Variants in SH3RF2 observed in about 807,000 individuals in gnomAD.
SH3RF2 encodes the protein SH3 domain containing ring finger 2.
SH3RF2 carries 43 observed loss-of-function variants against 59.0 expected under a neutral mutation model. The ratio of observed to expected loss-of-function variants is 0.73; its 90% CI spans 0.57 to 0.94. The LOEUF (loss-of-function observed/expected upper bound fraction) is 0.94, where lower values mean the gene tolerates loss of function less well. SH3RF2 is among the 40% of genes least tolerant of loss of function. The pLI is 0.00. For missense variants in SH3RF2, 930 were observed against 940.1 expected (o/e 0.99, Z 0.14); for synonymous variants, 391 against 391.5 (o/e 1.00, Z 0.01).
At chr5:145,961,695 A>G (rs1224362399) in intron 2 of SH3RF2, among the ~76,000 whole-genome samples, 1 of 152,236 alleles carries the variant, frequency 6.6e-6, no homozygotes, top group Non-Finnish European at 1.5e-5. Flanking sequence ...ATCAGGGCAG[A>G]TGTGAGCCTG....
At chr5:146,021,866 C>A (rs1761333198) in intron 5 of SH3RF2, among the ~76,000 whole-genome samples, 1 of 151,988 alleles carries the variant, frequency 6.6e-6, no homozygotes, top group Admixed American at 6.6e-5. Flanking sequence ...AGCTTGTTTC[C>A]CACCAAAAAA....
At chr5:145,953,149 A>ACAC (rs1758258017) in intron 2 of SH3RF2, among the ~76,000 whole-genome samples, 1 of 143,750 alleles carries the variant, frequency 7.0e-6, no homozygotes, top group Non-Finnish European at 1.6e-5. Flanking sequence ...CACACACACA[A>ACAC]ATAATAAAAA....
At chr5:145,951,120 T>C (rs1440935478) in intron 2 of SH3RF2, among the ~76,000 whole-genome samples, 1 of 152,212 alleles carries the variant, frequency 6.6e-6, no homozygotes, top group Non-Finnish European at 1.5e-5. Flanking sequence ...TTCAGAAAGA[T>C]GGCTAACATT....
At chr5:146,010,360 G>A (rs1361349577) in intron 4 of SH3RF2, among the ~76,000 whole-genome samples, 1 of 152,184 alleles carries the variant, frequency 6.6e-6, no homozygotes, top group East Asian at 1.9e-4. Context: ...TGTCTTCATA[G>A]CAGCATGATT....
chr5:145,994,463 A>G (rs914404135), intron 2 of SH3RF2, among the ~76,000 whole-genome samples: 4 of 152,188 alleles, frequency 2.6e-5, no homozygotes, highest in Non-Finnish European at 5.9e-5. Context: ...TGGGAAGAAA[A>G]GGAGGTTTAA....
At chr5:146,028,084 T>G (rs1761597590) in intron 5 of SH3RF2, among the ~76,000 whole-genome samples, 1 of 151,186 alleles carries the variant, frequency 6.6e-6, no homozygotes, top group Non-Finnish European at 1.5e-5. Context: ...AGCCTGTACC[T>G]CAGACATTTT....
intron 2 of SH3RF2, among the ~76,000 whole-genome samples, chr5:145,948,951 T>A (rs1474531755): frequency 1.3e-5 from 2 of 152,252 alleles, no homozygotes; most frequent in East Asian, 3.8e-4. Flanking sequence ...CAGCATTCAT[T>A]AAATACTTAA....
chr5:146,055,355 C>G (rs1762630073), intron 7 of SH3RF2, among the ~76,000 whole-genome samples: 1 of 152,128 alleles, frequency 6.6e-6, no homozygotes. Flanking sequence ...CTAAGAGTAC[C>G]TAGCTTAGAG....
intron 2 of SH3RF2, among the ~76,000 whole-genome samples, chr5:145,951,295 G>T (rs1330632160): frequency 6.6e-6 from 1 of 152,188 alleles, no homozygotes. Flanking sequence ...TGTCACTTAT[G>T]CTGGCTCATC....
intron 2 of SH3RF2, among the ~76,000 whole-genome samples, chr5:145,983,429 C>T (rs1350428704): frequency 6.6e-6 from 1 of 152,110 alleles, no homozygotes; most frequent in Non-Finnish European, 1.5e-5. Context: ...AAAAGAGTGA[C>T]CATATAACTC....
Position 146,055,943 on chromosome 5 carries a change from C to G in SH3RF2, c.1323-38C>G, listed in dbSNP as rs1348119491. ...ACTCTTGACTGAACATTTTCTTTCT[C>G]TATTTCTTCTCTTAAAAAAAAAATT... On this transcript the variant is annotated intron_variant, in intron 7 of 9. Coordinates refer to ENST00000359120, the MANE Select transcript of SH3RF2 (RefSeq NM_152550.4). 3.8e-6 allele frequency: 6 copies of G among 1,596,086 alleles called. No individual in the cohort carries two copies. The Admixed American group carries it at 7.1e-5, about 19-fold the overall frequency.
intron 2 of SH3RF2, among the ~76,000 whole-genome samples, chr5:145,944,240 C>T (rs973187952): frequency 6.6e-6 from 1 of 151,790 alleles, no homozygotes; most frequent in Non-Finnish European, 1.5e-5. Flanking sequence ...AGTATGTATT[C>T]TGCAAATATT....
intron 5 of SH3RF2, among the ~76,000 whole-genome samples, chr5:146,047,461 G>A (rs181445276): frequency 1.3e-5 from 2 of 152,222 alleles, no homozygotes; most frequent in African/African-American, 4.8e-5. Flanking sequence ...GGGGTGGGGA[G>A]AGGGACAGGA....
chr5:145,983,247 CTT>C lies in SH3RF2; in HGVS notation c.379-16795_379-16794del, dbSNP rs35986916. On this transcript the variant is annotated intron_variant, in intron 2 of 9. Transcript: ENST00000359120. The stretch of plus-strand genomic sequence containing the variant: ...ATTGGCAAATGCTACAAACCAGAGC[CTT>C]TTTTTTTTTTTTTTTGAGAGCTGAC... Among the ~76,000 whole-genome samples, 1,275 of 133,892 alleles carry C rather than the reference CTT, an allele frequency of 9.5e-3. 19 individuals carry two copies. Among genetic ancestry groups the C allele is most frequent in the African/African-American group, 0.029 (1,053 of 36,182 alleles). 87.8% of individuals were successfully genotyped at this position (133,892 alleles called of 152,430 possible).
At position 145,939,579 on chromosome 5, in the gene SH3RF2, T is replaced by G. The variant is rs542186228; in HGVS notation, c.378+1273T>G. Among the ~76,000 whole-genome samples, 6 of 152,358 alleles carry G rather than the reference T, an allele frequency of 3.9e-5. No individual in the cohort carries two copies. The East Asian group carries it at 1.2e-3, about 29-fold the overall frequency. On this transcript the variant is annotated intron_variant, in intron 2 of 9. Transcript: ENST00000359120. ...CACTGTACACCCTTGATTTCTTCAC[T>G]GTAGGCTTTTTATTGCCATTGTGCT...
intron 2 of SH3RF2, among the ~76,000 whole-genome samples, chr5:145,998,799 T>C (rs959262212): frequency 6.6e-6 from 1 of 151,990 alleles, no homozygotes; most frequent in Admixed American, 6.5e-5. Flanking sequence ...TAATCCCAGC[T>C]AGTCGGGAGG....
intron 2 of SH3RF2, among the ~76,000 whole-genome samples, chr5:145,996,337 C>A (rs940356294): frequency 3.3e-5 from 5 of 152,146 alleles, no homozygotes; most frequent in Admixed American, 2.6e-4. Flanking sequence ...TAAAATACGA[C>A]CTTAGGTGAC....
intron 9 of SH3RF2, among the ~76,000 whole-genome samples, chr5:146,077,828 C>T (rs893845093): frequency 3.3e-5 from 5 of 152,106 alleles, no homozygotes; most frequent in Non-Finnish European, 7.4e-5. Context: ...GATTCATTTT[C>T]TTTCATGGTC....
intron 5 of SH3RF2, among the ~76,000 whole-genome samples, chr5:146,027,784 C>T (rs1054192275): frequency 6.6e-6 from 1 of 152,106 alleles, no homozygotes; most frequent in Non-Finnish European, 1.5e-5. Flanking sequence ...CTCTCCTTAG[C>T]GCTGCAGCCC....
Sources: gnomAD v4.1 joint callset for allele counts (sites outside exome capture counted in the v4.1 genomes callset) on GRCh38, gnomAD v4.1.1 for gene constraint, MANE v1.5 for transcripts, NCBI Gene and HGNC (gene_info 2026-07-23, HGNC 2026-07-21) for gene names.